CEP63: variants seen among roughly 807,000 people sequenced by gnomAD.
CEP63 encodes the protein centrosomal protein of 63 kDa.
CEP63 carries 84 observed loss-of-function variants against 89.1 expected under a neutral mutation model. The observed-to-expected ratio is 0.94, with a 90% CI of 0.79 to 1.13. The LOEUF (loss-of-function observed/expected upper bound fraction) is 1.13, where lower values mean the gene tolerates loss of function less well. CEP63 is among the 50% of genes most tolerant of loss of function. The pLI is 0.00. For missense variants in CEP63, 838 were observed against 813.3 expected, an observed-to-expected ratio of 1.03 and a Z score of -0.37; for synonymous variants, 267 against 272.5, an observed-to-expected ratio of 0.98 and a Z score of 0.20.
At chr3:134,546,635 G>A (rs1953408820) in intron 8 of CEP63, among the ~76,000 whole-genome samples, 1 of 152,180 alleles carries the variant, frequency 6.6e-6, no homozygotes, top group South Asian at 2.1e-4. Context: ...GGGATTACAG[G>A]TGTGAGCTGC....
chr3:134,509,087 T>G (rs975575203), intron 3 of CEP63, among the ~76,000 whole-genome samples: 1 of 152,080 alleles, frequency 6.6e-6, no homozygotes, highest in African/African-American at 2.4e-5. Context: ...ATATTTTGCT[T>G]CTTGTATTAG....
the CEP63 span, among the ~76,000 whole-genome samples, chr3:134,757,584 C>T: frequency 2.6e-5 from 4 of 152,150 alleles, no homozygotes; most frequent in South Asian, 8.3e-4. Context: ...AATTTTCCAT[C>T]CTAAAGACAG....
chr3:134,701,624 T>A, the CEP63 span, among the ~76,000 whole-genome samples: 2 of 151,946 alleles, frequency 1.3e-5, no homozygotes, highest in African/African-American at 4.8e-5. Flanking sequence ...AGTATCATAC[T>A]GAATGGGCAA....
the CEP63 span, among the ~76,000 whole-genome samples, chr3:134,683,678 C>T: frequency 2.6e-5 from 4 of 151,942 alleles, no homozygotes; most frequent in Admixed American, 1.3e-4. Context: ...GTAATCAGGA[C>T]TCAGTCTGCC....
intron 6 of CEP63, among the ~76,000 whole-genome samples, chr3:134,544,642 G>GGC (rs1267166273): frequency 1.3e-5 from 2 of 148,926 alleles, no homozygotes; most frequent in East Asian, 2.0e-4. Context: ...TAGGTGGGGG[G>GGC]GGGAATTTAA....
At chr3:134,747,282 A>G in the CEP63 span, among the ~76,000 whole-genome samples, 3 of 152,138 alleles carry the variant, frequency 2.0e-5, no homozygotes, top group African/African-American at 7.2e-5. Context: ...TTTGCTTGAT[A>G]TCTCTGTTTT....
the CEP63 span, among the ~76,000 whole-genome samples, chr3:134,700,888 G>A: frequency 6.6e-6 from 1 of 152,120 alleles, no homozygotes; most frequent in Non-Finnish European, 1.5e-5. Context: ...CCCATCAGAG[G>A]TGTGTTGCTC....
chr3:134,645,460 C>CGGCCTGCTGGTTACCAGGGCTGGGT, the CEP63 span, among the ~76,000 whole-genome samples: 1 of 152,154 alleles, frequency 6.6e-6, no homozygotes, highest in Non-Finnish European at 1.5e-5. Context: ...CAGGGCTGGG[C>CGGCCTGCTGGTTACCAGGGCTGGGT]GGCCTGCTGG....
chr3:134,625,083 C>A, the CEP63 span: 7 of 1,602,038 alleles, frequency 4.4e-6, no homozygotes, highest in South Asian at 7.9e-5. Context: ...ATTTCTCAAA[C>A]TGCTGCAGGT....
chr3:134,580,100 C>T (rs558182397), intron 10 of CEP63, among the ~76,000 whole-genome samples: 21 of 150,446 alleles, frequency 1.4e-4, no homozygotes, highest in African/African-American at 4.4e-4. Flanking sequence ...GAGGCTGAGG[C>T]GGGAGAATCG....
At chr3:134,659,285 A>C in the CEP63 span, among the ~76,000 whole-genome samples, 1 of 152,214 alleles carries the variant, frequency 6.6e-6, no homozygotes, top group Non-Finnish European at 1.5e-5. Context: ...TGCCCCTTGC[A>C]TATTCCTCGA....
chr3:134,755,228 A>ACCCTGAG, the CEP63 span, among the ~76,000 whole-genome samples: 15 of 150,410 alleles, frequency 1.0e-4, no homozygotes, highest in African/African-American at 3.0e-4. Flanking sequence ...AGAGCCCTGA[A>ACCCTGAG]CCCTGAGCCC....
intron 11 of CEP63, among the ~76,000 whole-genome samples, chr3:134,574,587 A>C (rs1477389248): frequency 1.3e-5 from 2 of 152,152 alleles, no homozygotes; most frequent in African/African-American, 4.8e-5. Flanking sequence ...GATTAGATTC[A>C]AAATTTATCC....
intron 7 of CEP63, 90 bp downstream of exon 7, chr3:134,545,909 ATACTTTCTTCCC>A: frequency 1.0e-6 from 1 of 1,002,268 alleles, no homozygotes; most frequent in East Asian, 2.6e-5. Flanking sequence ...TCTACAATCC[ATACTTTCTTCCC>A]TACTTTATAA....
At chr3:134,702,317 A>G in the CEP63 span, among the ~76,000 whole-genome samples, 1 of 152,062 alleles carries the variant, frequency 6.6e-6, no homozygotes, top group Non-Finnish European at 1.5e-5. Context: ...TAAATGCTAT[A>G]CCCATTAAAC....
chr3:134,681,581 T>G, the CEP63 span, among the ~76,000 whole-genome samples: 1 of 152,168 alleles, frequency 6.6e-6, no homozygotes, highest in African/African-American at 2.4e-5. Flanking sequence ...ACTGTGAAGC[T>G]ATGGCAGGAG....
chr3:134,546,016 T>C (rs1953224976), intron 7 of CEP63, 133 bp from the exon 8 acceptor site: 5 of 975,710 alleles, frequency 5.1e-6, no homozygotes, highest in African/African-American at 5.0e-5. Flanking sequence ...ACGTAACTTA[T>C]AGTCTGACTT....
the CEP63 span, chr3:134,615,061 T>TTATGTCA: frequency 2.0e-4 from 31 of 152,248 alleles, no homozygotes; most frequent in Admixed American, 2.0e-3. Flanking sequence ...TTTATGTACT[T>TTATGTCA]GATTTCTTAT....
intron 11 of CEP63, among the ~76,000 whole-genome samples, chr3:134,551,469 G>C (rs1954804250): frequency 6.6e-6 from 1 of 152,078 alleles, no homozygotes; most frequent in Non-Finnish European, 1.5e-5. Flanking sequence ...AATGGGAATG[G>C]TCAAGCACAA....
Sources: gnomAD v4.1 joint callset for allele counts (sites outside exome capture counted in the v4.1 genomes callset) on GRCh38, gnomAD v4.1.1 for gene constraint, MANE v1.5 for transcripts, NCBI Gene and HGNC (gene_info 2026-07-23, HGNC 2026-07-21) for gene names.